The following SLC7A14 variants were observed in gnomAD, a reference collection of about 807,000 sequenced individuals.
SLC7A14 encodes the protein solute carrier family 7 member 14, also known as gamma-aminobutyric acid transporter SLC7A14.
In SLC7A14, 37 loss-of-function variants were observed where a neutral mutation model predicts 60.2. The ratio of observed to expected loss-of-function variants is 0.61; its 90% confidence interval spans 0.47 to 0.81. SLC7A14 has a LOEUF of 0.81. SLC7A14 is among the 30% of genes least tolerant of loss of function. SLC7A14 has a pLI of 0.00. For missense variants in SLC7A14, 886 were observed against 982.7 expected (o/e 0.90, Z 1.32); for synonymous variants, 399 against 395.8 (o/e 1.01, Z -0.10).
At chr3:170,543,658 A>G (rs1362871629) in intron 1 of SLC7A14, among the ~76,000 whole-genome samples, 4 of 151,916 alleles carry the variant, frequency 2.6e-5, no homozygotes, top group Admixed American at 2.6e-4. Context: ...GAAAAAAAAC[A>G]AAAACAAAAA....
At chr3:170,577,026 G>T (rs1715110947) in intron 1 of SLC7A14, among the ~76,000 whole-genome samples, 1 of 152,128 alleles carries the variant, frequency 6.6e-6, no homozygotes, top group South Asian at 2.1e-4. Context: ...TTCAGAATTG[G>T]GTATCAACAG....
Position 170,555,587 on chromosome 3 carries a change from A to G in SLC7A14, c.-152-28499T>C, listed in dbSNP as rs569644111. On this transcript the variant is annotated intron_variant, in intron 1 of 7. Transcript: ENST00000231706. Reference sequence around the variant, plus strand: ...GTGTACCCACACAAACCCAGATGGTACAGCCTACTACACACCTAGGCTACA... The same window carrying G: ...GTGTACCCACACAAACCCAGATGGTGCAGCCTACTACACACCTAGGCTACA... Among the ~76,000 whole-genome samples the G allele has an allele frequency of 9.2e-5, 14 of 152,320 alleles. No homozygotes were observed. The East Asian group carries it at 2.1e-3, about 23-fold the overall frequency.
At chr3:170,543,325 T>A (rs1450830744) in intron 1 of SLC7A14, among the ~76,000 whole-genome samples, 1 of 152,066 alleles carries the variant, frequency 6.6e-6, no homozygotes, top group African/African-American at 2.4e-5. Context: ...GTTAAAGAGA[T>A]CCATGAGGTC....
At position 170,542,024 on chromosome 3, in the gene SLC7A14, T is replaced by C. The variant is rs142048864; in HGVS notation, c.-152-14936A>G. Among the ~76,000 whole-genome samples the C allele has an allele frequency of 1.5e-4, 23 of 152,328 alleles. 1 individual carries two copies. The East Asian group carries it at 4.4e-3, about 29-fold the overall frequency. Reference sequence around the variant, plus strand: ...GTGAACTGTTTTAGGGTCTGTAGCCTCCACTGAATTAGATTTGCCTAAATT... The same window carrying C: ...GTGAACTGTTTTAGGGTCTGTAGCCCCCACTGAATTAGATTTGCCTAAATT... On this transcript the variant is annotated intron_variant, in intron 1 of 7. Coordinates refer to ENST00000231706, the MANE Select transcript of SLC7A14 (RefSeq NM_020949.3).
chr3:170,554,948 C>T (rs1306967230), intron 1 of SLC7A14, among the ~76,000 whole-genome samples: 1 of 152,062 alleles, frequency 6.6e-6, no homozygotes, highest in African/African-American at 2.4e-5. Context: ...GTGGGCAGAT[C>T]ATCAGGTCAG....
chr3:170,560,162 A>AAT (rs1311540786), intron 1 of SLC7A14, among the ~76,000 whole-genome samples: 1 of 152,176 alleles, frequency 6.6e-6, no homozygotes, highest in East Asian at 1.9e-4. Context: ...AGTTTCTGAA[A>AAT]ACCTACCTTC....
In SLC7A14 at chr3:170,459,787, C is replaced by A. The variant is rs1739557247; in HGVS notation, c.*7268G>T. On this transcript the variant is annotated 3_prime_UTR_variant, in exon 8 of 8. Transcript: ENST00000231706. ...ACAAAATATGGGAAGGCTCCTTTTT[C>A]TTTTCTTTCTTTTTTTTTGGTAGTC... 1 of 151,908 alleles carries A rather than the reference C, an allele frequency of 6.6e-6. No homozygotes were observed. The highest frequency in any genetic ancestry group is 1.5e-5 in the Non-Finnish European group (1 of 67,968). The allele number at this position is 151,908 out of a possible 1,614,324, so 9.4% of individuals were successfully genotyped here. A position where few individuals can be genotyped will look rare whatever the true frequency, so the allele number is the denominator to read the frequency against.
intron 1 of SLC7A14, among the ~76,000 whole-genome samples, chr3:170,531,540 C>G (rs1713681378): frequency 6.6e-6 from 1 of 152,180 alleles, no homozygotes; most frequent in Admixed American, 6.6e-5. Context: ...CACGCAATTC[C>G]CCTGAGTGCT....
chr3:170,556,983 C>T (rs746303794), intron 1 of SLC7A14, among the ~76,000 whole-genome samples: 4 of 152,078 alleles, frequency 2.6e-5, no homozygotes, highest in East Asian at 1.9e-4. Context: ...AAAAGTGGTG[C>T]GCATGAGGCT....
At chr3:170,481,354 T>C (rs886449250) in intron 6 of SLC7A14, among the ~76,000 whole-genome samples, 188 bp from the exon 7 acceptor site, 4 of 151,614 alleles carry the variant, frequency 2.6e-5, no homozygotes, top group African/African-American at 9.7e-5. Flanking sequence ...ATTTGGTATA[T>C]AATTAAAAAA....
In SLC7A14 at chr3:170,485,090, C is replaced by T. The variant is rs576486573; in HGVS notation, c.906+1132G>A. Among the ~76,000 whole-genome samples the T allele has an allele frequency of 9.9e-5, 15 of 152,258 alleles. No individual in the cohort carries two copies. The South Asian group carries it at 2.3e-3, about 23-fold the overall frequency. ...CAGAGTGTCCTTGCTGTTCCTTCTG[C>T]CCCGCAACCCCTCCCTCAACATTCT... On this transcript the variant is annotated intron_variant, in intron 5 of 7. Transcript: ENST00000231706.
At position 170,579,678 on chromosome 3, in the gene SLC7A14, C is replaced by T. The variant is rs116803162; in HGVS notation, c.-153+6233G>A. Among the ~76,000 whole-genome samples, 573 of 152,328 alleles carry T rather than the reference C, an allele frequency of 3.8e-3. 3 individuals carry two copies. Among genetic ancestry groups the T allele is most frequent in the African/African-American group, 0.013 (532 of 41,568 alleles). ...TCTGTAAACCATCAGACTGCAATGTCGCTAGTTCTCCTCTAATTAATATAT... is the reference window on the plus strand; with the variant it reads ...TCTGTAAACCATCAGACTGCAATGTTGCTAGTTCTCCTCTAATTAATATAT... On this transcript the variant is annotated intron_variant, in intron 1 of 7. Coordinates refer to ENST00000231706, the MANE Select transcript of SLC7A14 (RefSeq NM_020949.3).
At chr3:170,498,614 G>C in intron 4 of SLC7A14, 53 bp downstream of exon 4, 1 of 1,555,928 alleles carries the variant, frequency 6.4e-7, no homozygotes, top group Non-Finnish European at 8.9e-7. Context: ...GTTGGTCACA[G>C]GGTAGAAGGC....
chr3:170,538,714 G>T (rs558204527), intron 1 of SLC7A14, among the ~76,000 whole-genome samples: 61 of 152,296 alleles, frequency 4.0e-4, no homozygotes, highest in African/African-American at 1.3e-3. Flanking sequence ...GAGGCAAAAA[G>T]AAGAAAAAGA....
At chr3:170,489,542 C>A (rs6792375) in intron 4 of SLC7A14, among the ~76,000 whole-genome samples, 57,646 of 152,030 alleles carry the variant, frequency 0.38, 12,672 homozygotes, top group African/African-American at 0.63. Context: ...GTTTCTCAAA[C>A]AACTGAAAAT....
chr3:170,582,452 T>G (rs1236022014), intron 1 of SLC7A14, among the ~76,000 whole-genome samples: 4 of 152,190 alleles, frequency 2.6e-5, no homozygotes, highest in African/African-American at 9.6e-5. Context: ...TAATTAAAAT[T>G]TAATTATAAA....
chr3:170,461,728 C>G lies in SLC7A14; in HGVS notation c.*5327G>C, dbSNP rs1186294134. 1 of 152,266 alleles carries G rather than the reference C, an allele frequency of 6.6e-6. No individual in the cohort carries two copies. The highest frequency in any genetic ancestry group is 1.5e-5 in the Non-Finnish European group (1 of 68,088). 9.4% of individuals were successfully genotyped at this position (152,266 alleles called of 1,614,324 possible). On this transcript the variant is annotated 3_prime_UTR_variant, in exon 8 of 8. Coordinates refer to ENST00000231706, the MANE Select transcript of SLC7A14 (RefSeq NM_020949.3). ...TCGTGGCCAGGCCACCACTGGTTAC[C>G]TGCTGGTGCCTCTCTCTCTTAGGAT...
intron 1 of SLC7A14, among the ~76,000 whole-genome samples, chr3:170,551,305 T>C (rs1484088700): frequency 6.6e-6 from 1 of 152,266 alleles, no homozygotes; most frequent in East Asian, 1.9e-4. Flanking sequence ...AGTATTCAGT[T>C]GATACCATTT....
At chr3:170,537,687 C>T (rs768461780) in intron 1 of SLC7A14, among the ~76,000 whole-genome samples, 1 of 152,178 alleles carries the variant, frequency 6.6e-6, no homozygotes, top group Non-Finnish European at 1.5e-5. Context: ...GTCAAGAATA[C>T]TCATGGTAGA....
Sources: allele counts gnomAD v4.1 joint callset (sites outside exome capture counted in the v4.1 genomes callset), GRCh38; gene constraint gnomAD v4.1.1; transcripts MANE v1.5; gene names NCBI Gene and HGNC (gene_info 2026-07-23, HGNC 2026-07-21).